Variants in COL5A3 observed in about 807,000 individuals in gnomAD.
COL5A3 encodes the protein collagen type V alpha 3 chain.
COL5A3 carries 172 observed loss-of-function variants against 250.0 expected under a neutral mutation model. The ratio of observed to expected loss-of-function variants is 0.69; its 90% CI spans 0.61 to 0.78. The LOEUF is 0.78. COL5A3 is among the 30% of genes least tolerant of loss of function. The pLI is 0.00. For missense variants in COL5A3, 2,340 were observed against 2,334.4 expected (o/e 1.00, Z -0.05); for synonymous variants, 937 against 900.4 (o/e 1.04, Z -0.73).
At chr19:9,983,544 GAAAGAAAGAAAGA>G (rs1411426171) in intron 31 of COL5A3, among the ~76,000 whole-genome samples, 2 of 31,118 alleles carry the variant, frequency 6.4e-5, no homozygotes, top group Non-Finnish European at 1.5e-4. Context: ...AAGAAAGAAA[GAAAGAAAGAAAGA>G]AAGAAAGAAA....
At chr19:9,977,314 T>G (rs759738740) in intron 43 of COL5A3, 32 bp from the exon 44 acceptor site, 2 of 1,613,696 alleles carry the variant, frequency 1.2e-6, no homozygotes, top group Non-Finnish European at 1.7e-6. Context: ...GGACCCAGCT[T>G]CCATTCACCC....
chr19:9,974,640 G>A (rs1356241110), intron 45 of COL5A3, among the ~76,000 whole-genome samples: 1 of 152,178 alleles, frequency 6.6e-6, no homozygotes, highest in Non-Finnish European at 1.5e-5. Flanking sequence ...TTGAGGTTCA[G>A]TTCTTGGGCA....
chr19:9,970,339 TGA>T (rs2086820120), intron 54 of COL5A3, among the ~76,000 whole-genome samples: 1 of 41,608 alleles, frequency 2.4e-5, no homozygotes, highest in Admixed American at 2.9e-4. Flanking sequence ...GGTCTGTGGG[TGA>T]GTGTGTTCTG....
chr19:9,991,500 T>A, intron 24 of COL5A3, 110 bp downstream of exon 24: 1 of 882,100 alleles, frequency 1.1e-6, no homozygotes, highest in Non-Finnish European at 1.7e-6. Context: ...AATGTTGCAG[T>A]CTATCACTAT....
At chr19:9,966,767 C>CGGAGAA (rs2086754798) in intron 62 of COL5A3, 21 bp from the exon 63 acceptor site, 5 of 1,507,936 alleles carry the variant, frequency 3.3e-6, no homozygotes, top group Non-Finnish European at 4.4e-6. Flanking sequence ...GGGATGGGGA[C>CGGAGAA]GGAGAAGAGA....
intron 51 of COL5A3, among the ~76,000 whole-genome samples, chr19:9,972,349 TTATTCATCCATTTATTCATTCACG>T (rs1445771778): frequency 1.3e-5 from 2 of 152,112 alleles, no homozygotes; most frequent in African/African-American, 4.8e-5. Context: ...ATTCACTCAT[TTATTCATCCATTTATTCATTCACG>T]TATTCATCCA....
intron 31 of COL5A3, among the ~76,000 whole-genome samples, chr19:9,983,956 C>T (rs2087058562): frequency 1.3e-5 from 2 of 150,920 alleles, no homozygotes; most frequent in Admixed American, 1.3e-4. Context: ...GGCAAGATAA[C>T]TATCAGCTCA....
rs1555733033 is a variant in COL5A3, at chr19:9,963,561, TGG to T, written c.4783-676_4783-675del. 2.8e-3 allele frequency among the ~76,000 whole-genome samples: 111 copies of T among 40,124 alleles called. 1 individual carries two copies. Among genetic ancestry groups the T allele is most frequent in the African/African-American group, 6.4e-3 (80 of 12,488 alleles). 26.3% of individuals were successfully genotyped at this position (40,124 alleles called of 152,430 possible). A position where few individuals can be genotyped will look rare whatever the true frequency, so the allele number is the denominator to read the frequency against. ...AGTGTGCCACCATGCCTGTTTTTTT[TGG>T]GGGGGGGGGCGGGTGGAGGGGGTCT... On this transcript the variant is annotated intron_variant, in intron 64 of 66. Coordinates refer to ENST00000264828, the MANE Select transcript of COL5A3 (RefSeq NM_015719.4).
At chr19:9,978,865 G>T in intron 40 of COL5A3, 26 bp downstream of exon 40, 2 of 1,346,916 alleles carry the variant, frequency 1.5e-6, no homozygotes, top group Non-Finnish European at 9.9e-7. Context: ...TAAGGGACAT[G>T]CAGGAGGGTC....
intron 43 of COL5A3, 28 bp downstream of exon 43, chr19:9,977,337 G>C (rs761317530): frequency 6.2e-7 from 1 of 1,611,954 alleles, no homozygotes; most frequent in Non-Finnish European, 8.5e-7. Context: ...ATCCTCCCCT[G>C]GACCCTTCCT....
At chr19:9,969,829 G>C in intron 55 of COL5A3, 40 bp downstream of exon 55, 1 of 1,610,282 alleles carries the variant, frequency 6.2e-7, no homozygotes, top group South Asian at 1.1e-5. Context: ...TGTTGGCCTA[G>C]AGTAGTGCAG....
intron 4 of COL5A3, 141 bp from the exon 5 acceptor site, chr19:10,004,286 GA>G: frequency 1.6e-6 from 1 of 641,582 alleles, no homozygotes; most frequent in Non-Finnish European, 2.8e-6. Context: ...TAAGTATAAG[GA>G]AGAGATGACC....
rs779279539 is a variant in COL5A3, at chr19:9,985,841, C to A, written c.2406+1G>T. On this transcript the variant is annotated splice_donor_variant, in intron 31 of 66. Transcript: ENST00000264828. LOFTEE classifies it high-confidence loss of function. ...TCCACCCCCCACCCCCAGCTTCCTA[C>A]CTTAGGTCCAGGGCGTCCTGGATAA... 1.1e-5 allele frequency: 18 copies of A among 1,613,438 alleles called. No homozygotes were observed. Among genetic ancestry groups the A allele is most frequent in the Non-Finnish European group, 1.4e-5 (17 of 1,179,492 alleles).
Position 10,001,855 on chromosome 19 carries a change from C to T in COL5A3, c.876G>A (p.Glu292=), listed in dbSNP as rs2145138546. ...TCGGAGGCAGATTTGGAGCTGGAGT[C>T]TCTGTCTTGGGGATGTCAGTGGAGG... ...NQTSTDIPKT[E]TPAPNLPPTP... The change falls in exon 7 of 67, where the codon GAG becomes GAA. Residue 292 remains glutamate (E), a synonymous_variant. Transcript: ENST00000264828. 6.2e-7 allele frequency: 1 copy of T among 1,614,056 alleles called. No homozygotes were observed. The highest frequency in any genetic ancestry group is 1.1e-5 in the South Asian group (1 of 91,068).
chr19:10,000,834 C>T lies in COL5A3; in HGVS notation c.1110+690G>A, dbSNP rs963216683. Among the ~76,000 whole-genome samples the T allele has an allele frequency of 5.3e-5, 8 of 152,218 alleles. No individual in the cohort carries two copies. The South Asian group carries it at 1.7e-3, about 32-fold the overall frequency. Reference sequence around the variant, plus strand: ...TGAGAAAAGTAAGTAAATAAAATAACACAGGAACAGAAGACCATATACCAC... The same window carrying T: ...TGAGAAAAGTAAGTAAATAAAATAATACAGGAACAGAAGACCATATACCAC... On this transcript the variant is annotated intron_variant, in intron 8 of 66. Coordinates refer to ENST00000264828, the MANE Select transcript of COL5A3 (RefSeq NM_015719.4).
chr19:9,992,868 G>T lies in COL5A3; in HGVS notation c.1807C>A (p.Leu603Met). Residue 603 changes from leucine to methionine, a missense_variant, in exon 21 of 67, where the codon CTG becomes ATG. By Grantham distance (15) the Leu-to-Met change is conservative. This residue lies in a region of COL5A3 where 1,152 missense variants were observed against 1,146.3 expected (regional missense o/e 1.00). Transcript: ENST00000264828. Reference protein sequence around the residue: ...GQAGEPGPRGLLGPRGSPGPT... With the variant: ...GQAGEPGPRGMLGPRGSPGPT... The stretch of plus-strand genomic sequence containing the variant: ...CCAGGAGAGCCTCTGGGGCCAAGCA[G>T]TCCTCGTGGACCCTGCAAGGGAGCA... 6.2e-7 allele frequency: 1 copy of T among 1,614,170 alleles called. No homozygotes were observed.
chr19:9,994,205 G>A (rs1450396687), intron 16 of COL5A3, among the ~76,000 whole-genome samples: 1 of 151,588 alleles, frequency 6.6e-6, no homozygotes, highest in Non-Finnish European at 1.5e-5. Flanking sequence ...TTAGAGCTGA[G>A]GTCTTGCTCT....
At position 9,997,394 on chromosome 19, in the gene COL5A3, A is replaced by G. The variant is rs746737745; in HGVS notation, c.1240T>C (p.Phe414Leu). ...GPSGPPGPPGFPGDPGPPGPA... is the reference protein window; with the variant it reads ...GPSGPPGPPGLPGDPGPPGPA... Reference sequence around the variant, plus strand: ...ACCGGTGGACCAGGGTCGCCAGGGAATCCTGGGGGGCCGGGAGGGCCTGAG... The same window carrying G: ...ACCGGTGGACCAGGGTCGCCAGGGAGTCCTGGGGGGCCGGGAGGGCCTGAG... The change falls in exon 11 of 67, where the codon TTC (phenylalanine) becomes CTC (leucine). Residue 414 changes from phenylalanine (F) to leucine (L), a missense_variant. Coordinates refer to ENST00000264828, the MANE Select transcript of COL5A3 (RefSeq NM_015719.4). 6.2e-7 allele frequency: 1 copy of G among 1,610,398 alleles called. No homozygotes were observed. Among genetic ancestry groups the G allele is most frequent in the South Asian group, 1.1e-5 (1 of 89,916 alleles).
chr19:9,984,098 A>T (rs1006502279), intron 31 of COL5A3, among the ~76,000 whole-genome samples: 3 of 151,686 alleles, frequency 2.0e-5, no homozygotes, highest in Admixed American at 1.3e-4. Context: ...ATCTCAGCTC[A>T]CTGCATCCTC....
Sources: gnomAD v4.1 joint callset for allele counts (sites outside exome capture counted in the v4.1 genomes callset) on GRCh38, gnomAD v4.1.1 for gene constraint, gnomAD v4.1.1 regional missense constraint, MANE v1.5 for transcripts, NCBI Gene and HGNC (gene_info 2026-07-23, HGNC 2026-07-21) for gene names.